The following STON2 variants were observed in gnomAD, a reference collection of about 807,000 sequenced individuals.
STON2 encodes stonin-2.
In STON2, 29 loss-of-function variants were observed where a neutral mutation model predicts 65.7. The observed-to-expected ratio is 0.44, with a 90% CI of 0.33 to 0.60. The LOEUF is 0.60. Ranked by LOEUF, STON2 falls within the 20% of genes least tolerant of loss-of-function variation. STON2 has a pLI of 0.03. For missense variants in STON2, 1,054 were observed against 1,118.1 expected, an observed-to-expected ratio of 0.94 and a Z score of 0.82; for synonymous variants, 404 against 414.2, an observed-to-expected ratio of 0.98 and a Z score of 0.30.
At chr14:81,425,808 T>C (rs896038482) in intron 2 of STON2, among the ~76,000 whole-genome samples, 1 of 152,242 alleles carries the variant, frequency 6.6e-6, no homozygotes, top group African/African-American at 2.4e-5. Flanking sequence ...TCGCTGGATG[T>C]AATGTTTCAA....
At chr14:81,322,494 A>G (rs756006411) in intron 5 of STON2, among the ~76,000 whole-genome samples, 6 of 152,134 alleles carry the variant, frequency 3.9e-5, no homozygotes, top group Non-Finnish European at 8.8e-5. Context: ...GAGCTGGCTG[A>G]TGGGGCTGCA....
chr14:81,279,354 A>G (rs780401709), intron 5 of STON2, among the ~76,000 whole-genome samples: 5 of 152,238 alleles, frequency 3.3e-5, no homozygotes, highest in Non-Finnish European at 5.9e-5. Context: ...GAGAAACTAA[A>G]AAATGTCTAG....
At chr14:81,288,764 G>A (rs1895438820) in intron 5 of STON2, among the ~76,000 whole-genome samples, 1 of 152,024 alleles carries the variant, frequency 6.6e-6, no homozygotes, top group South Asian at 2.1e-4. Flanking sequence ...AAAAGAGAAG[G>A]TGTCCTATAT....
At chr14:81,313,382 G>A (rs1292217291) in intron 5 of STON2, among the ~76,000 whole-genome samples, 1 of 152,038 alleles carries the variant, frequency 6.6e-6, no homozygotes, top group African/African-American at 2.4e-5. Context: ...ACCTTCTGTC[G>A]TTTAGTGAAT....
At chr14:81,318,605 C>T (rs2140235381) in intron 5 of STON2, among the ~76,000 whole-genome samples, 1 of 152,310 alleles carries the variant, frequency 6.6e-6, no homozygotes, top group African/African-American at 2.4e-5. Context: ...AATTCCAGCA[C>T]TTTGAAAGGC....
Position 81,430,518 on chromosome 14 carries a change from G to A in STON2, c.-309-3306C>T, listed in dbSNP as rs1265091432. On this transcript the variant is annotated intron_variant, in intron 1 of 8. Coordinates refer to the STON2 transcript ENST00000553821. ...CTGACCACCCCTTGCCAGTTAGAGA[G>A]GCCACTTCAGGGCACCAGTCCAAGT... Among the ~76,000 whole-genome samples, 4 of 152,170 alleles carry A rather than the reference G, an allele frequency of 2.6e-5. No individual in the cohort carries two copies. In the East Asian group the frequency reaches 5.8e-4, roughly 22 times the overall value.
At chr14:81,283,530 AT>A (rs10653687) in intron 5 of STON2, among the ~76,000 whole-genome samples, 16,451 of 128,548 alleles carry the variant, frequency 0.13, 928 homozygotes, top group Middle Eastern at 0.17. Context: ...CAGATACTGC[AT>A]TTTTTTTTTT....
chr14:81,307,425 C>A (rs2140201736), intron 5 of STON2, among the ~76,000 whole-genome samples: 1 of 152,214 alleles, frequency 6.6e-6, no homozygotes, highest in South Asian at 2.1e-4. Context: ...AATTTATTTT[C>A]TTTTTAAAAA....
At chr14:81,379,738 A>C (rs1277321711) in intron 3 of STON2, among the ~76,000 whole-genome samples, 2 of 152,222 alleles carry the variant, frequency 1.3e-5, no homozygotes, top group African/African-American at 2.4e-5. Flanking sequence ...ATAACAAGCA[A>C]TGGGGAAAAG....
intron 1 of STON2, chr14:81,427,418 A>C (rs1436288488): frequency 6.6e-6 from 1 of 152,180 alleles, no homozygotes; most frequent in East Asian, 1.9e-4. Flanking sequence ...CCCAGACCGG[A>C]GTCTGATATG....
At chr14:81,406,314 T>C (rs1007150585) in intron 2 of STON2, among the ~76,000 whole-genome samples, 3 of 152,224 alleles carry the variant, frequency 2.0e-5, no homozygotes, top group Middle Eastern at 3.2e-3. Context: ...GGCTTGGTTC[T>C]AGGCTTTGCT....
At chr14:81,340,024 G>A (rs1457812044) in intron 4 of STON2, among the ~76,000 whole-genome samples, 1 of 152,110 alleles carries the variant, frequency 6.6e-6, no homozygotes, top group African/African-American at 2.4e-5. Context: ...CGTGGTGGCG[G>A]GCGCCTGTAG....
In STON2 at chr14:81,265,133, C is replaced by T. The variant is rs1419479175; in HGVS notation, c.*3281G>A. On this transcript the variant is annotated 3_prime_UTR_variant, in exon 8 of 8. Coordinates refer to ENST00000614646, the MANE Select transcript of STON2 (RefSeq NM_001394390.1). ...GGTTGCAAAAGTAGAATCTGCATAT[C>T]CACAGGTAATTTGCCCAACTGTTTT... The T allele has an allele frequency of 2.0e-6, 2 of 984,490 alleles. No individual in the cohort carries two copies. The highest frequency in any genetic ancestry group is 2.4e-6 in the Non-Finnish European group (2 of 829,856). 61.0% of individuals were successfully genotyped at this position (984,490 alleles called of 1,614,324 possible).
intron 3 of STON2, among the ~76,000 whole-genome samples, chr14:81,382,546 G>A (rs995047866): frequency 6.7e-6 from 1 of 148,230 alleles, no homozygotes; most frequent in South Asian, 2.1e-4. Flanking sequence ...GTGATACAGA[G>A]GGGAGGGAAG....
At chr14:81,307,568 A>G (rs1225075593) in intron 5 of STON2, among the ~76,000 whole-genome samples, 3 of 152,208 alleles carry the variant, frequency 2.0e-5, no homozygotes, top group Non-Finnish European at 4.4e-5. Context: ...GTAAATGAGA[A>G]AGAATTAATA....
intron 5 of STON2, among the ~76,000 whole-genome samples, chr14:81,311,046 T>C (rs1413706320): frequency 6.6e-6 from 1 of 152,140 alleles, no homozygotes; most frequent in Non-Finnish European, 1.5e-5. Context: ...AGGTTTGAGC[T>C]AGGATTTGAG....
intron 5 of STON2, among the ~76,000 whole-genome samples, chr14:81,322,377 C>A (rs1274834384): frequency 2.0e-5 from 3 of 152,146 alleles, no homozygotes; most frequent in African/African-American, 7.2e-5. Flanking sequence ...TGAAAAGTCA[C>A]AAATTTGAAC....
At chr14:81,396,520 G>A (rs1015907969) in intron 2 of STON2, among the ~76,000 whole-genome samples, 4 of 152,194 alleles carry the variant, frequency 2.6e-5, no homozygotes, top group Admixed American at 6.5e-5. Flanking sequence ...AGTCAAGTGA[G>A]ACAAGTGAAA....
intron 4 of STON2, among the ~76,000 whole-genome samples, chr14:81,349,209 C>T (rs1265338167): frequency 1.3e-5 from 2 of 152,078 alleles, no homozygotes; most frequent in African/African-American, 4.8e-5. Flanking sequence ...ACCTCAAAAG[C>T]ATAGGCAACA....
Sources: allele counts gnomAD v4.1 joint callset (sites outside exome capture counted in the v4.1 genomes callset), GRCh38; gene constraint gnomAD v4.1.1; transcripts MANE v1.5; gene names NCBI Gene and HGNC (gene_info 2026-07-23, HGNC 2026-07-21).